Variants in HSPA4L observed in about 807,000 individuals in gnomAD.
HSPA4L encodes the protein heat shock protein family A (Hsp70) member 4 like, also known as heat shock 70 kDa protein 4L.
In HSPA4L, 48 loss-of-function variants were observed where a neutral mutation model predicts 100.3. The observed-to-expected ratio is 0.48, with a 90% CI of 0.38 to 0.61. The LOEUF (loss-of-function observed/expected upper bound fraction) is 0.61. Among genes scored for constraint, HSPA4L ranks in the 20% least tolerant of loss-of-function variants. The pLI, the probability that HSPA4L is intolerant of heterozygous loss-of-function variation, is 0.00. For missense variants in HSPA4L, 886 were observed against 988.6 expected (o/e 0.90, Z 1.39); for synonymous variants, 319 against 328.2 (o/e 0.97, Z 0.30).
chr4:127,832,851 TCTGG>T lies in HSPA4L; in HGVS notation c.2498_2501del (p.Ser833Ter). On this transcript the variant is annotated frameshift_variant, in exon 19 of 19. Transcript: ENST00000296464. LOFTEE classifies it high-confidence loss of function. Reference sequence around the variant, plus strand: ...AGACAGCTCACAGCATACTAAATCCTCTGGAGAGATGGAAGTGGACTAAGTCTTA... The same window carrying T: ...AGACAGCTCACAGCATACTAAATCCTAGAGATGGAAGTGGACTAAGTCTTA... 6.2e-7 allele frequency: 1 copy of T among 1,606,100 alleles called. No individual in the cohort carries two copies. Among genetic ancestry groups the T allele is most frequent in the Non-Finnish European group, 8.5e-7 (1 of 1,176,724 alleles).
intron 6 of HSPA4L, 90 bp downstream of exon 6, chr4:127,802,008 C>G (rs777874831): frequency 1.6e-4 from 155 of 998,608 alleles, no homozygotes; most frequent in Non-Finnish European, 1.7e-4. Context: ...TGGCTCTGCC[C>G]CTTAAACTAT....
chr4:127,787,005 T>C (rs914137140), intron 1 of HSPA4L, among the ~76,000 whole-genome samples: 3 of 152,196 alleles, frequency 2.0e-5, no homozygotes, highest in Admixed American at 6.5e-5. Flanking sequence ...TTTCTTTAAA[T>C]GAAACTGTGT....
At chr4:127,786,382 G>T (rs747689913) in intron 1 of HSPA4L, among the ~76,000 whole-genome samples, 2 of 152,152 alleles carry the variant, frequency 1.3e-5, no homozygotes, top group African/African-American at 4.8e-5. Flanking sequence ...GTACAGGAAA[G>T]CATCTTTGCT....
intron 15 of HSPA4L, among the ~76,000 whole-genome samples, 163 bp downstream of exon 15, chr4:127,823,057 A>T (rs1354225239): frequency 6.6e-6 from 1 of 152,262 alleles, no homozygotes; most frequent in Admixed American, 6.5e-5. Context: ...AAGTATGGTG[A>T]AAAACATATT....
At chr4:127,781,965 A>G, upstream of HSPA4L, 1 of 433,008 alleles carries the variant, frequency 2.3e-6, no homozygotes, top group Non-Finnish European at 4.6e-6. Context: ...ATGTGCCTCA[A>G]AACACGTTCG....
intron 16 of HSPA4L, 69 bp downstream of exon 16, chr4:127,823,693 C>A (rs1733872915): frequency 3.6e-6 from 3 of 838,738 alleles, no homozygotes; most frequent in Non-Finnish European, 5.7e-6. Flanking sequence ...TGTAAGAGCA[C>A]AGTTTATGTT....
At position 127,795,840 on chromosome 4, in the gene HSPA4L, G is replaced by T. The variant is rs200089402; in HGVS notation, c.238G>T (p.Val80Leu). 2.5e-6 allele frequency: 4 copies of T among 1,613,590 alleles called. No individual in the cohort carries two copies. In the Admixed American group the frequency reaches 6.7e-5, roughly 27 times the overall value. ...LHGRSFDDPI[V>L]QTERIRLPYE... ...TGGGCGATCATTTGATGATCCCATT[G>T]TGCAAACTGAAAGGATCAGGCTTCC... is the stretch of plus-strand genomic sequence containing the variant. The change falls in exon 3 of 19, where the codon GTG becomes TTG. Residue 80 changes from valine to leucine, a missense_variant. By Grantham distance (32) the Val-to-Leu change is conservative. Transcript: ENST00000296464.
chr4:127,816,545 C>T (rs1383456417), intron 12 of HSPA4L, among the ~76,000 whole-genome samples: 1 of 151,804 alleles, frequency 6.6e-6, no homozygotes, highest in Non-Finnish European at 1.5e-5. Context: ...TTTTAGTGAA[C>T]AAACCATTTA....
At chr4:127,832,600 A>G (rs141063661) in intron 18 of HSPA4L, 83 bp from the exon 19 acceptor site, 2 of 1,207,536 alleles carry the variant, frequency 1.7e-6, no homozygotes, top group Non-Finnish European at 2.3e-6. Context: ...GTGAAAATTT[A>G]GAAAGTTAAT....
chr4:127,787,858 AG>A (rs1461432261), intron 1 of HSPA4L, among the ~76,000 whole-genome samples: 1 of 152,084 alleles, frequency 6.6e-6, no homozygotes, highest in Admixed American at 6.6e-5. Flanking sequence ...GAAAAAAAAA[AG>A]GTTTAATATA....
chr4:127,787,254 G>T (rs1287552057), intron 1 of HSPA4L, among the ~76,000 whole-genome samples: 1 of 152,170 alleles, frequency 6.6e-6, no homozygotes, highest in Non-Finnish European at 1.5e-5. Context: ...CCAAATCGGG[G>T]GGTTAACTGT....
chr4:127,834,511 TA>T lies in HSPA4L; in HGVS notation c.*1643del, dbSNP rs1258388759. ...GAGGGGAAGAATCTCTTTTTTGCAT[TA>T]AAAAATCATATAAACTTAATATATT... is the stretch of plus-strand genomic sequence containing the variant. On this transcript the variant is annotated 3_prime_UTR_variant, in exon 19 of 19. Coordinates refer to ENST00000296464, the MANE Select transcript of HSPA4L (RefSeq NM_014278.4). 6.6e-6 allele frequency: 1 copy of T among 152,180 alleles called. No homozygotes were observed. The highest frequency in any genetic ancestry group is 2.4e-5 in the African/African-American group (1 of 41,460). 9.4% of individuals were successfully genotyped at this position (152,180 alleles called of 1,614,324 possible). A position where few individuals can be genotyped will look rare whatever the true frequency, so the allele number is the denominator to read the frequency against.
At chr4:127,807,010 A>G (rs1434664832) in intron 10 of HSPA4L, among the ~76,000 whole-genome samples, 1 of 151,988 alleles carries the variant, frequency 6.6e-6, no homozygotes, top group African/African-American at 2.4e-5. Flanking sequence ...ATTTAATTTC[A>G]GTTTCAAGGT....
chr4:127,805,828 C>A, intron 10 of HSPA4L, 35 bp downstream of exon 10: 1 of 1,401,686 alleles, frequency 7.1e-7, no homozygotes, highest in South Asian at 1.2e-5. Context: ...TAGAGCTTGT[C>A]ATAAATCTTT....
chr4:127,793,178 C>T (rs1187998920), intron 1 of HSPA4L, among the ~76,000 whole-genome samples: 1 of 152,176 alleles, frequency 6.6e-6, no homozygotes, highest in Non-Finnish European at 1.5e-5. Flanking sequence ...AACAGACTTA[C>T]ATACCTATAT....
At chr4:127,783,024 C>T (rs573686688) in intron 1 of HSPA4L, among the ~76,000 whole-genome samples, 1 of 152,164 alleles carries the variant, frequency 6.6e-6, no homozygotes, top group South Asian at 2.1e-4. Flanking sequence ...TCTCCGGTTG[C>T]CTCTAACGAG....
At chr4:127,784,102 A>C in intron 1 of HSPA4L, among the ~76,000 whole-genome samples, 1 of 152,264 alleles carries the variant, frequency 6.6e-6, no homozygotes, top group East Asian at 1.9e-4. Context: ...TTTTATATTA[A>C]GCCACAACAA....
At chr4:127,820,657 G>A (rs529841027) in intron 14 of HSPA4L, 92 bp downstream of exon 14, 1 of 1,164,694 alleles carries the variant, frequency 8.6e-7, no homozygotes. Flanking sequence ...TAGGGCACTA[G>A]TTTATAACTC....
chr4:127,823,015 A>G (rs1268284492), intron 15 of HSPA4L, 121 bp downstream of exon 15: 3 of 863,308 alleles, frequency 3.5e-6, no homozygotes, highest in Non-Finnish European at 5.1e-6. Context: ...TTGGGCCCAT[A>G]TGGGGAAGGT....
Sources: gnomAD v4.1 joint callset for allele counts (sites outside exome capture counted in the v4.1 genomes callset) on GRCh38, gnomAD v4.1.1 for gene constraint, MANE v1.5 for transcripts, NCBI Gene and HGNC (gene_info 2026-07-23, HGNC 2026-07-21) for gene names.